Variants in RFFL observed in about 807,000 individuals in gnomAD.
The protein encoded by RFFL is E3 ubiquitin-protein ligase rififylin.
In RFFL, 16 loss-of-function variants were observed where a neutral mutation model predicts 40.4. That is an observed-to-expected ratio of 0.40 (90% CI 0.27 to 0.60). RFFL has a LOEUF of 0.60. Ranked by LOEUF, RFFL falls within the 20% of genes least tolerant of loss-of-function variation. The probability of loss-of-function intolerance (pLI) is 0.47; values close to 1 mark genes in which losing one functional copy is unlikely to be tolerated. For missense variants in RFFL, 367 were observed against 451.7 expected (o/e 0.81, Z 1.70); for synonymous variants, 154 against 167.9 (o/e 0.92, Z 0.64).
rs945461119 is a variant in RFFL, at chr17:35,009,752, G to C, written c.*2216C>G. 1 of 152,508 alleles carries C rather than the reference G, an allele frequency of 6.6e-6. No homozygotes were observed. Among genetic ancestry groups the C allele is most frequent in the African/African-American group, 2.4e-5 (1 of 41,452 alleles). 9.4% of individuals were successfully genotyped at this position (152,508 alleles called of 1,614,324 possible). ...TATATTATTTTCGATTTGTGTCTAG[G>C]AGGGAAACTGAAGAGGAGGTAAGGC... On this transcript the variant is annotated 3_prime_UTR_variant, in exon 7 of 7. Coordinates refer to ENST00000394597, the MANE Select transcript of RFFL (RefSeq NM_001017368.2).
intron 1 of RFFL, chr17:35,069,320 G>A: frequency 2.2e-6 from 1 of 456,634 alleles, no homozygotes; most frequent in Non-Finnish European, 4.4e-6. Flanking sequence ...AAGTCTAGGG[G>A]GCCTTTGTCA....
intron 1 of RFFL, among the ~76,000 whole-genome samples, chr17:35,054,091 C>T (rs1188176169): frequency 2.6e-5 from 4 of 152,174 alleles, no homozygotes; most frequent in South Asian, 4.2e-4. Flanking sequence ...CTACCTAATG[C>T]CACCCTCGCT....
At position 35,011,994 on chromosome 17, in the gene RFFL, G is replaced by A. The variant is rs1362174382; in HGVS notation, c.1066C>T (p.Arg356Ter). Residue 356 changes from arginine to a stop codon, truncating the protein, a stop_gained, in exon 7 of 7, where the codon CGA becomes TGA. Transcript: ENST00000394597. LOFTEE classifies it high-confidence loss of function. ...CAGGACCGGAAGACATGCACAGCTC[G>A]GATTACATACTGCCGGCAGATGGGA... The part of the protein sequence containing the change: ...ECPICRQYVI[R>*]AVHVFRS 3.1e-6 allele frequency: 5 copies of A among 1,614,028 alleles called. No homozygotes were observed. The highest frequency in any genetic ancestry group is 1.3e-5 in the African/African-American group (1 of 74,910).
At chr17:35,055,635 C>G (rs2091256019) in intron 1 of RFFL, among the ~76,000 whole-genome samples, 1 of 149,302 alleles carries the variant, frequency 6.7e-6, no homozygotes, top group South Asian at 2.1e-4. Context: ...CATGCCATTG[C>G]ACTCCAGCCT....
At chr17:35,076,958 C>T (rs1019026184) in intron 1 of RFFL, 1 of 297,774 alleles carries the variant, frequency 3.4e-6, no homozygotes, top group Non-Finnish European at 6.9e-6. Flanking sequence ...TGTGAAAGAA[C>T]ACCACCTAAA....
At chr17:35,068,856 C>T (rs1343187327) in intron 1 of RFFL, among the ~76,000 whole-genome samples, 1 of 152,164 alleles carries the variant, frequency 6.6e-6, no homozygotes, top group Non-Finnish European at 1.5e-5. Flanking sequence ...CTATCTTGGG[C>T]AGCTCATTTC....
chr17:35,085,674 C>T (rs766258420), intron 1 of RFFL, among the ~76,000 whole-genome samples: 2 of 152,156 alleles, frequency 1.3e-5, no homozygotes, highest in Non-Finnish European at 2.9e-5. Flanking sequence ...GGTAATCACC[C>T]GCCTCTGCCT....
chr17:35,053,159 G>A (rs1418078568), intron 1 of RFFL, among the ~76,000 whole-genome samples: 1 of 152,172 alleles, frequency 6.6e-6, no homozygotes, highest in Non-Finnish European at 1.5e-5. Context: ...GATGGACTAG[G>A]AGCTGGAAGA....
rs1025148529 is a variant in RFFL, at chr17:35,009,808, A to C, written c.*2160T>G. 1 of 152,672 alleles carries C rather than the reference A, an allele frequency of 6.5e-6. No homozygotes were observed. Among genetic ancestry groups the C allele is most frequent in the African/African-American group, 2.4e-5 (1 of 41,460 alleles). The allele number at this position is 152,672 out of a possible 1,614,324, so 9.5% of individuals were successfully genotyped here. A position where few individuals can be genotyped will look rare whatever the true frequency, so the allele number is the denominator to read the frequency against. ...CAGAGAAAGCAGGTTGTAAGTAGAGAGCCAGCTTCTGCCCTTAAGTTACTG... is the reference window on the plus strand; with the variant it reads ...CAGAGAAAGCAGGTTGTAAGTAGAGCGCCAGCTTCTGCCCTTAAGTTACTG... On this transcript the variant is annotated 3_prime_UTR_variant, in exon 7 of 7. Transcript: ENST00000394597.
intron 1 of RFFL, among the ~76,000 whole-genome samples, chr17:35,044,761 C>A (rs918399889): frequency 3.9e-5 from 6 of 152,178 alleles, no homozygotes; most frequent in African/African-American, 1.4e-4. Flanking sequence ...AATCTCCCTC[C>A]CTCAAGCTAT....
chr17:35,029,239 G>C (rs1391068972), intron 1 of RFFL, among the ~76,000 whole-genome samples: 3 of 151,706 alleles, frequency 2.0e-5, no homozygotes, highest in Admixed American at 2.0e-4. Flanking sequence ...ATGAAGTAAA[G>C]AGTTCTTCAC....
intron 1 of RFFL, among the ~76,000 whole-genome samples, chr17:35,054,449 A>T (rs2091248495): frequency 6.6e-6 from 1 of 152,170 alleles, no homozygotes; most frequent in Admixed American, 6.6e-5. Flanking sequence ...CATCTCATAC[A>T]TGTGCATGAA....
rs1489706840 is a variant in RFFL at position 35,008,088 on chromosome 17, C to G, written c.*3880G>C. On this transcript the variant is annotated 3_prime_UTR_variant, in exon 7 of 7. Transcript: ENST00000394597. ...TAGTCCAGCTGTACTACAGCTGTAT[C>G]CAAAAGGTACCATGTATCTCCCAGG... 6.6e-6 allele frequency: 1 copy of G among 152,248 alleles called. No individual in the cohort carries two copies. Among genetic ancestry groups the G allele is most frequent in the Non-Finnish European group, 1.5e-5 (1 of 68,068 alleles). 9.4% of individuals were successfully genotyped at this position (152,248 alleles called of 1,614,324 possible). A position where few individuals can be genotyped will look rare whatever the true frequency, so the allele number is the denominator to read the frequency against.
Position 35,026,457 on chromosome 17 carries a change from C to G in RFFL, c.97G>C (p.Gly33Arg). ...GARMQAYSNP[G>R]YSSFPSPTGL... is the part of the protein sequence containing the mutation. ...GTTGGGGAAGGGAAGGAGCTGTACCCAGGGTTGGAATAGGCCTGCATCCTG... is the reference window on the plus strand; with the variant it reads ...GTTGGGGAAGGGAAGGAGCTGTACCGAGGGTTGGAATAGGCCTGCATCCTG... The change falls in exon 2 of 7, where the codon GGG (glycine) becomes CGG (arginine). Residue 33 changes from glycine to arginine, a missense_variant. Transcript: ENST00000394597. 1 of 1,613,886 alleles carries G rather than the reference C, an allele frequency of 6.2e-7. No individual in the cohort carries two copies. The highest frequency in any genetic ancestry group is 8.5e-7 in the Non-Finnish European group (1 of 1,179,896).
At chr17:35,043,424 C>T (rs1227014989) in intron 1 of RFFL, among the ~76,000 whole-genome samples, 3 of 152,224 alleles carry the variant, frequency 2.0e-5, no homozygotes, top group South Asian at 4.1e-4. Context: ...AGTAAATAGC[C>T]GTCATTATAA....
intron 1 of RFFL, among the ~76,000 whole-genome samples, chr17:35,030,325 C>T (rs1310810838): frequency 1.3e-5 from 2 of 149,884 alleles, no homozygotes; most frequent in African/African-American, 4.9e-5. Flanking sequence ...AAAAGTGTTC[C>T]TATTTCTCCA....
intron 1 of RFFL, among the ~76,000 whole-genome samples, chr17:35,087,062 C>A (rs1169440149): frequency 6.6e-6 from 1 of 152,116 alleles, no homozygotes; most frequent in Non-Finnish European, 1.5e-5. Context: ...TTTCCACAAC[C>A]CTTAAGAGGT....
At chr17:35,017,092 C>T (rs917193583) in intron 4 of RFFL, among the ~76,000 whole-genome samples, 1 of 152,038 alleles carries the variant, frequency 6.6e-6, no homozygotes, top group African/African-American at 2.4e-5. Flanking sequence ...ATTTCCCTGG[C>T]AAGTACTCCT....
At chr17:35,074,941 C>T (rs1056773112) in intron 1 of RFFL, among the ~76,000 whole-genome samples, 1 of 152,214 alleles carries the variant, frequency 6.6e-6, no homozygotes, top group Non-Finnish European at 1.5e-5. Context: ...ATGCCCAATG[C>T]TTCCCTAGCT....
Sources: gnomAD v4.1 joint callset for allele counts (sites outside exome capture counted in the v4.1 genomes callset) on GRCh38, gnomAD v4.1.1 for gene constraint, MANE v1.5 for transcripts, NCBI Gene and HGNC (gene_info 2026-07-23, HGNC 2026-07-21) for gene names.